WWTR1: variants seen among roughly 807,000 people sequenced by gnomAD.
WWTR1 encodes the protein WW domain containing transcription regulator 1.
In WWTR1, 13 loss-of-function variants were observed where a neutral mutation model predicts 40.1. That is an observed-to-expected ratio of 0.32 (90% confidence interval 0.21 to 0.52). WWTR1 has a LOEUF of 0.52. Among genes scored for constraint, WWTR1 ranks in the 20% least tolerant of loss-of-function variants. WWTR1 has a pLI of 0.97. For missense variants in WWTR1, 436 were observed against 523.1 expected, an observed-to-expected ratio of 0.83 and a Z score of 1.63; for synonymous variants, 230 against 210.1, an observed-to-expected ratio of 1.09 and a Z score of -0.82.
intron 2 of WWTR1, among the ~76,000 whole-genome samples, chr3:149,576,651 T>A (rs796700079): frequency 2.3e-4 from 35 of 152,232 alleles, no homozygotes; most frequent in African/African-American, 7.7e-4. Flanking sequence ...TATAAATACA[T>A]ACACTGTACA....
intron 3 of WWTR1, among the ~76,000 whole-genome samples, chr3:149,556,477 G>T (rs1736830618): frequency 6.6e-6 from 1 of 152,212 alleles, no homozygotes; most frequent in African/African-American, 2.4e-5. Flanking sequence ...TACTTGGGAA[G>T]CTGAGGCGGG....
At chr3:149,657,380 G>T in intron 1 of WWTR1, 71 bp from the exon 2 acceptor site, 1 of 1,474,654 alleles carries the variant, frequency 6.8e-7, no homozygotes. Context: ...TACAGGGTGA[G>T]AGGGCGAGAT....
intron 2 of WWTR1, among the ~76,000 whole-genome samples, chr3:149,596,712 G>C (rs540234556): frequency 1.3e-5 from 2 of 152,208 alleles, no homozygotes; most frequent in Admixed American, 1.3e-4. Context: ...GCGCAATGGC[G>C]AATCTTGTTT....
chr3:149,557,996 C>T (rs1410168409), intron 3 of WWTR1, among the ~76,000 whole-genome samples: 4 of 141,732 alleles, frequency 2.8e-5, no homozygotes, highest in African/African-American at 1.1e-4. Context: ...GAGCAAGGCT[C>T]CATCTCAAAA....
intron 2 of WWTR1, among the ~76,000 whole-genome samples, chr3:149,584,711 C>T (rs1347124968): frequency 6.6e-6 from 1 of 152,108 alleles, no homozygotes; most frequent in East Asian, 1.9e-4. Context: ...CATCTTCAGT[C>T]GAAAATATCA....
rs145416109 is a variant in WWTR1 at position 149,551,088 on chromosome 3, G to A, written c.569-8551C>T. ...TGAGGCGGGCAAATCACCTGAGGTCGGGAGTTTGAGACCAGCCTGACCAAC... is the reference window on the plus strand; with the variant it reads ...TGAGGCGGGCAAATCACCTGAGGTCAGGAGTTTGAGACCAGCCTGACCAAC... On this transcript the variant is annotated intron_variant, in intron 3 of 6. Transcript: ENST00000360632. Among the ~76,000 whole-genome samples, 426 of 144,000 alleles carry A rather than the reference G, an allele frequency of 3.0e-3. 68 individuals carry two copies. The highest frequency in any genetic ancestry group is 0.011 in the African/African-American group (408 of 37,766). 94.5% of individuals were successfully genotyped at this position (144,000 alleles called of 152,430 possible). A position where few individuals can be genotyped will look rare whatever the true frequency, so the allele number is the denominator to read the frequency against.
intron 1 of WWTR1, among the ~76,000 whole-genome samples, chr3:149,697,975 C>T (rs555183885): frequency 6.6e-6 from 1 of 152,222 alleles, no homozygotes; most frequent in African/African-American, 2.4e-5. Context: ...CCAAGTCCTG[C>T]ATCCTGATGT....
At position 149,596,428 on chromosome 3, in the gene WWTR1, C is replaced by T. The variant is rs150072228; in HGVS notation, c.432-23428G>A. ...AGCAAGCCCTGGCACCACAGCTTTCCCAGAGAAATCCCTCTGTAACCTGTT... is the reference window on the plus strand; with the variant it reads ...AGCAAGCCCTGGCACCACAGCTTTCTCAGAGAAATCCCTCTGTAACCTGTT... On this transcript the variant is annotated intron_variant, in intron 2 of 6. Coordinates refer to ENST00000360632, the MANE Select transcript of WWTR1 (RefSeq NM_015472.6). 1.9e-3 allele frequency among the ~76,000 whole-genome samples: 294 copies of T among 152,284 alleles called. 1 individual carries two copies. Among genetic ancestry groups the T allele is most frequent in the African/African-American group, 6.7e-3 (278 of 41,558 alleles).
chr3:149,689,207 C>A (rs1430013187), intron 1 of WWTR1, among the ~76,000 whole-genome samples: 1 of 151,618 alleles, frequency 6.6e-6, no homozygotes, highest in Non-Finnish European at 1.5e-5. Flanking sequence ...CATGGTGAAA[C>A]CCCATCTCTC....
chr3:149,707,231 T>C (rs764288852), upstream of WWTR1, among the ~76,000 whole-genome samples: 1 of 152,154 alleles, frequency 6.6e-6, no homozygotes, highest in Non-Finnish European at 1.5e-5. Context: ...CACTAGCACA[T>C]GCAGTGTAGG....
At chr3:149,523,768 C>T (rs1214839596) in intron 6 of WWTR1, among the ~76,000 whole-genome samples, 1 of 152,200 alleles carries the variant, frequency 6.6e-6, no homozygotes, top group Non-Finnish European at 1.5e-5. Context: ...TCTAGCCACA[C>T]TTGAGCTCTG....
At chr3:149,599,712 A>T (rs746132599) in intron 2 of WWTR1, among the ~76,000 whole-genome samples, 4 of 152,206 alleles carry the variant, frequency 2.6e-5, no homozygotes, top group African/African-American at 7.2e-5. Flanking sequence ...TAAATCAAAA[A>T]TTTTTTAAAC....
At position 149,656,975 on chromosome 3, in the gene WWTR1, G is replaced by C; in HGVS notation, c.332C>G (p.Ala111Gly). Residue 111 changes from alanine (A) to glycine (G), a missense_variant, in exon 2 of 7, where the codon GCG becomes GGG. By Grantham distance (60) the Ala-to-Gly change is moderately conservative. Coordinates refer to ENST00000360632, the MANE Select transcript of WWTR1 (RefSeq NM_015472.6). ...GAAGSPAQQHAHLRQQSYDVT... is the reference protein window; with the variant it reads ...GAAGSPAQQHGHLRQQSYDVT... ...GTCGTAGGACTGCTGGCGGAGGTGC[G>C]CGTGCTGCTGCGCGGGGCTACCCGC... The C allele has an allele frequency of 6.3e-7, 1 of 1,598,216 alleles. No homozygotes were observed. The highest frequency in any genetic ancestry group is 8.5e-7 in the Non-Finnish European group (1 of 1,176,384).
chr3:149,629,119 A>G (rs1711499402), intron 2 of WWTR1, among the ~76,000 whole-genome samples: 1 of 152,254 alleles, frequency 6.6e-6, no homozygotes, highest in Non-Finnish European at 1.5e-5. Flanking sequence ...GGAAAGGTTC[A>G]GAGAAAAAAC....
At chr3:149,723,185 C>CTTTTCTT (rs1715798069) in intron 4 of WWTR1, among the ~76,000 whole-genome samples, 1 of 101,832 alleles carries the variant, frequency 9.8e-6, no homozygotes, top group African/African-American at 3.9e-5. Context: ...CTTTTCTTTT[C>CTTTTCTT]TTTTTTTTTT....
rs1400184225 is a variant in WWTR1, at chr3:149,520,064, C to T, written c.*741G>A. On this transcript the variant is annotated 3_prime_UTR_variant, in exon 7 of 7. Coordinates refer to ENST00000360632, the MANE Select transcript of WWTR1 (RefSeq NM_015472.6). ...TTGAATAAAATGCTCATAATTAGTA[C>T]CAAACTGGTCTCTTTCACAAGATCT... 6.6e-6 allele frequency: 1 copy of T among 151,992 alleles called. No homozygotes were observed. The highest frequency in any genetic ancestry group is 1.9e-4 in the East Asian group (1 of 5,196). 9.4% of individuals were successfully genotyped at this position (151,992 alleles called of 1,614,324 possible).
intron 3 of WWTR1, among the ~76,000 whole-genome samples, chr3:149,569,923 C>T (rs1204526181): frequency 1.3e-5 from 2 of 152,182 alleles, no homozygotes; most frequent in African/African-American, 4.8e-5. Context: ...GATCCTCCCA[C>T]CTCAGAGCCT....
At chr3:149,565,609 A>G (rs1379310986) in intron 3 of WWTR1, among the ~76,000 whole-genome samples, 1 of 152,180 alleles carries the variant, frequency 6.6e-6, no homozygotes, top group Non-Finnish European at 1.5e-5. Flanking sequence ...CCGTAAAAGA[A>G]AGGAACTATA....
chr3:149,656,764 TTCTCTCTC>T (rs780553230), intron 2 of WWTR1, 104 bp downstream of exon 2: 101 of 468,648 alleles, frequency 2.2e-4, no homozygotes, highest in South Asian at 5.3e-4. Context: ...ATCTCTCTCT[TTCTCTCTC>T]TCTCTCTCTC....
Sources: allele counts gnomAD v4.1 joint callset (sites outside exome capture counted in the v4.1 genomes callset), GRCh38; gene constraint gnomAD v4.1.1; transcripts MANE v1.5; gene names NCBI Gene and HGNC (gene_info 2026-07-23, HGNC 2026-07-21).